Variants in OPCML observed in about 807,000 individuals in gnomAD.
OPCML encodes the protein opioid-binding protein/cell adhesion molecule.
OPCML carries 13 observed loss-of-function variants against 37.8 expected under a neutral mutation model. The observed-to-expected ratio is 0.34, with a 90% confidence interval of 0.22 to 0.55. The LOEUF (loss-of-function observed/expected upper bound fraction) is 0.55, where lower values mean the gene tolerates loss of function less well. Among genes scored for constraint, OPCML ranks in the 20% least tolerant of loss-of-function variants. The pLI is 0.91. For synonymous variants in OPCML, 176 were observed against 168.8 expected (o/e 1.04, Z -0.33); for missense variants, 341 against 435.6 (o/e 0.78, Z 1.93).
intron 1 of OPCML, among the ~76,000 whole-genome samples, chr11:133,426,736 C>T (rs1592286298): frequency 2.0e-5 from 3 of 152,152 alleles, no homozygotes; most frequent in East Asian, 3.9e-4. Flanking sequence ...GCTCCCTGGT[C>T]TCTCCCTTCA....
intron 1 of OPCML, among the ~76,000 whole-genome samples, chr11:133,014,858 T>C (rs1029065247): frequency 1.3e-5 from 2 of 152,364 alleles, no homozygotes; most frequent in African/African-American, 2.4e-5. Context: ...ACATCTACTG[T>C]CCTAGTATTG....
chr11:132,881,024 G>A (rs186736515), intron 2 of OPCML, among the ~76,000 whole-genome samples: 94 of 152,264 alleles, frequency 6.2e-4, no homozygotes, highest in African/African-American at 2.2e-3. Context: ...CTGACCTTAC[G>A]ACTCTGTGGT....
In OPCML at chr11:133,504,705, C is replaced by T. The variant is rs115296303; in HGVS notation, c.61+27559G>A. Among the ~76,000 whole-genome samples the T allele has an allele frequency of 4.5e-3, 688 of 152,270 alleles. 6 individuals are homozygous for T. The highest frequency in any genetic ancestry group is 0.015 in the African/African-American group (636 of 41,548). On this transcript the variant is annotated intron_variant, in intron 1 of 7. Coordinates refer to ENST00000524381, the MANE Select transcript of OPCML (RefSeq NM_001012393.5). Reference sequence around the variant, plus strand: ...GGGACTGGGTGGCCCCAGGAGCTAGCAGATAACAAGGGAGATGAAATGACG... The same window carrying T: ...GGGACTGGGTGGCCCCAGGAGCTAGTAGATAACAAGGGAGATGAAATGACG...
chr11:133,509,086 T>C (rs941147639), intron 1 of OPCML, among the ~76,000 whole-genome samples: 6 of 152,184 alleles, frequency 3.9e-5, no homozygotes, highest in Non-Finnish European at 8.8e-5. Context: ...TTTTATGTTC[T>C]GGGATACATG....
intron 1 of OPCML, among the ~76,000 whole-genome samples, chr11:133,350,655 G>A (rs1944115215): frequency 6.6e-6 from 1 of 152,148 alleles, no homozygotes. Context: ...TCTCTATATA[G>A]TGTGTGGCCA....
chr11:133,098,338 C>A (rs1277518026), intron 1 of OPCML, among the ~76,000 whole-genome samples: 1 of 151,678 alleles, frequency 6.6e-6, no homozygotes, highest in African/African-American at 2.4e-5. Context: ...GCCTCAGCCT[C>A]TGGAGTAGCT....
At chr11:133,419,204 G>C in intron 1 of OPCML, 1 of 981,062 alleles carries the variant, frequency 1.0e-6, no homozygotes, top group African/African-American at 1.7e-5. Flanking sequence ...CTGTGCAACG[G>C]GCCAGGAGAC....
At chr11:133,179,587 T>C (rs904456753) in intron 1 of OPCML, among the ~76,000 whole-genome samples, 18 of 152,098 alleles carry the variant, frequency 1.2e-4, no homozygotes, top group South Asian at 2.1e-4. Context: ...AAATACAGGA[T>C]ACTGAGAGGT....
intron 2 of OPCML, among the ~76,000 whole-genome samples, chr11:132,900,194 A>T (rs1181023735): frequency 6.6e-6 from 1 of 152,192 alleles, no homozygotes; most frequent in Non-Finnish European, 1.5e-5. Flanking sequence ...TAATGGACTT[A>T]TTATAGGCTC....
chr11:132,703,265 A>T (rs472941), intron 2 of OPCML, among the ~76,000 whole-genome samples: 2 of 152,190 alleles, frequency 1.3e-5, no homozygotes, highest in African/African-American at 4.8e-5. Context: ...TACTGTAGGC[A>T]ATTGTAACAC....
intron 7 of OPCML, among the ~76,000 whole-genome samples, chr11:132,421,299 C>T (rs1323970887): frequency 2.0e-5 from 3 of 152,132 alleles, no homozygotes; most frequent in South Asian, 2.1e-4. Flanking sequence ...CATTACGAGG[C>T]ATTTCTATAA....
At chr11:133,007,189 C>T in intron 1 of OPCML, 2 of 985,432 alleles carry the variant, frequency 2.0e-6, no homozygotes, top group Non-Finnish European at 2.4e-6. Flanking sequence ...CTCTGTCTCA[C>T]ATAGCACAGT....
rs1407149651 is a variant in OPCML, at chr11:132,687,393, T to C, written c.147-30074A>G. On this transcript the variant is annotated intron_variant, in intron 2 of 7. Coordinates refer to ENST00000524381, the MANE Select transcript of OPCML (RefSeq NM_001012393.5). ...ACATATATATATATATATATATATA[T>C]ATATATATATATATATATATATATA... Among the ~76,000 whole-genome samples the C allele has an allele frequency of 2.1e-4, 17 of 81,180 alleles. 1 individual carries two copies. Among genetic ancestry groups the C allele is most frequent in the African/African-American group, 1.1e-3 (14 of 12,596 alleles). The allele number at this position is 81,180 out of a possible 152,430, so 53.3% of individuals were successfully genotyped here.
At chr11:133,112,326 A>T (rs1949269688) in intron 1 of OPCML, among the ~76,000 whole-genome samples, 1 of 151,174 alleles carries the variant, frequency 6.6e-6, no homozygotes, top group South Asian at 2.1e-4. Flanking sequence ...AAGAAACAAA[A>T]TATCTCATAT....
intron 2 of OPCML, among the ~76,000 whole-genome samples, chr11:132,745,266 G>A (rs1945575943): frequency 6.6e-6 from 1 of 152,132 alleles, no homozygotes; most frequent in African/African-American, 2.4e-5. Context: ...CCCAAAAAGA[G>A]CCGTCTCATA....
intron 1 of OPCML, among the ~76,000 whole-genome samples, chr11:133,186,799 C>G (rs975509371): frequency 6.6e-6 from 1 of 152,212 alleles, no homozygotes; most frequent in Non-Finnish European, 1.5e-5. Context: ...GCCAAGTACA[C>G]AGCCTGCTGA....
rs890876324 is a variant in OPCML at position 132,921,227 on chromosome 11, T to C, written c.146+21699A>G. ...AAGACACAGATTGCTGCAGACATCATGGGTGATCATGGAAGACAAGTTCGC... is the reference window on the plus strand; with the variant it reads ...AAGACACAGATTGCTGCAGACATCACGGGTGATCATGGAAGACAAGTTCGC... On this transcript the variant is annotated intron_variant, in intron 2 of 7. Coordinates refer to ENST00000524381, the MANE Select transcript of OPCML (RefSeq NM_001012393.5). Among the ~76,000 whole-genome samples, 5 of 152,226 alleles carry C rather than the reference T, an allele frequency of 3.3e-5. No individual in the cohort carries two copies. In the South Asian group the frequency reaches 1.0e-3, roughly 31 times the overall value.
chr11:132,969,680 T>C (rs1452082209), intron 1 of OPCML, among the ~76,000 whole-genome samples: 6 of 152,196 alleles, frequency 3.9e-5, no homozygotes, highest in African/African-American at 1.4e-4. Context: ...CTTTTGCTAG[T>C]TGAAGTTTAT....
At chr11:133,440,034 G>C (rs1373673292) in intron 1 of OPCML, among the ~76,000 whole-genome samples, 3 of 152,116 alleles carry the variant, frequency 2.0e-5, no homozygotes, top group African/African-American at 7.2e-5. Flanking sequence ...GACTATTCCT[G>C]AGTAAACCAA....
Sources: gnomAD v4.1 joint callset for allele counts (sites outside exome capture counted in the v4.1 genomes callset) on GRCh38, gnomAD v4.1.1 for gene constraint, MANE v1.5 for transcripts, NCBI Gene and HGNC (gene_info 2026-07-23, HGNC 2026-07-21) for gene names.